The following GRK3 variants were observed in gnomAD, a reference collection of about 807,000 sequenced individuals.
GRK3 encodes G protein-coupled receptor kinase 3, also known as adrenergic, beta, receptor kinase 2.
A neutral mutation model predicts 95.7 loss-of-function variants in GRK3; 54 were observed. That is an observed-to-expected ratio of 0.56 (90% confidence interval 0.45 to 0.71). GRK3 has a LOEUF of 0.71. GRK3 is among the 30% of genes least tolerant of loss of function. The pLI, the probability that GRK3 is intolerant of heterozygous loss-of-function variation, is 0.00. For synonymous variants in GRK3, 281 were observed against 290.8 expected (o/e 0.97, Z 0.34); for missense variants, 649 against 851.2 (o/e 0.76, Z 2.96).
At chr22:25,705,680 G>A (rs1028919726) in intron 15 of GRK3, among the ~76,000 whole-genome samples, 2 of 152,008 alleles carry the variant, frequency 1.3e-5, no homozygotes, top group East Asian at 3.9e-4. Context: ...TTTCTTTCGG[G>A]AAGGACTCAG....
intron 18 of GRK3, among the ~76,000 whole-genome samples, chr22:25,717,682 G>A (rs910741738): frequency 1.3e-5 from 2 of 152,118 alleles, no homozygotes; most frequent in African/African-American, 4.8e-5. Context: ...CTGTAAAAAT[G>A]TAATCAGGAC....
At chr22:25,600,723 A>G (rs771006489) in intron 1 of GRK3, among the ~76,000 whole-genome samples, 2 of 152,170 alleles carry the variant, frequency 1.3e-5, no homozygotes, top group Non-Finnish European at 2.9e-5. Context: ...GGTCCTAGAT[A>G]GAACTCATGG....
chr22:25,650,203 G>T (rs1219007444), intron 3 of GRK3, among the ~76,000 whole-genome samples: 3 of 151,922 alleles, frequency 2.0e-5, no homozygotes, highest in Non-Finnish European at 4.4e-5. Flanking sequence ...CACCACACCT[G>T]GCTAATTTTT....
chr22:25,674,421 T>C lies in GRK3; in HGVS notation c.556-16T>C. 1 of 1,590,854 alleles carries C rather than the reference T, an allele frequency of 6.3e-7. No homozygotes were observed. ...TGTGTAATCTTATGTTTTCATTTTG[T>C]GTTTGGATTTCCCAGTTGACCATGA... On this transcript the variant is annotated splice_polypyrimidine_tract_variant and intron_variant, in intron 7 of 20. Coordinates refer to ENST00000324198, the MANE Select transcript of GRK3 (RefSeq NM_005160.4).
rs1322728900 is a variant in GRK3 at position 25,633,047 on chromosome 22, A to T, written c.191-11545A>T. On this transcript the variant is annotated intron_variant, in intron 2 of 20. Transcript: ENST00000324198. ...TGCCTCAGCCTCCCAAGTAGCTGGG[A>T]TTACAGGCACCTGCCACCAAGCCTG... 2.0e-5 allele frequency among the ~76,000 whole-genome samples: 3 copies of T among 151,846 alleles called. No homozygotes were observed. The East Asian group carries it at 5.8e-4, about 29-fold the overall frequency.
At chr22:25,621,929 G>A (rs1323842713) in intron 2 of GRK3, among the ~76,000 whole-genome samples, 1 of 152,140 alleles carries the variant, frequency 6.6e-6, no homozygotes, top group African/African-American at 2.4e-5. Flanking sequence ...GCTTTTATTG[G>A]CTCTACATGT....
At chr22:25,583,967 C>G (rs1353922068) in intron 1 of GRK3, among the ~76,000 whole-genome samples, 1 of 152,146 alleles carries the variant, frequency 6.6e-6, no homozygotes, top group African/African-American at 2.4e-5. Flanking sequence ...TTTCTCTAAA[C>G]AATGCTACGG....
intron 13 of GRK3, among the ~76,000 whole-genome samples, chr22:25,698,226 A>AAGAAGAGGGAAGAAAGGG (rs1028592018): frequency 2.0e-5 from 3 of 150,174 alleles, no homozygotes; most frequent in Admixed American, 6.6e-5. Context: ...AGGAGGAAGG[A>AAGAAGAGGGAAGAAAGGG]AGAAGAGGGA....
intron 6 of GRK3, among the ~76,000 whole-genome samples, chr22:25,668,073 C>A (rs1236142515): frequency 6.6e-6 from 1 of 152,172 alleles, no homozygotes; most frequent in African/African-American, 2.4e-5. Flanking sequence ...TAAAAAGTAT[C>A]TTATTGAGAG....
In GRK3 at chr22:25,725,174, C is replaced by G. The variant is rs530105061; in HGVS notation, c.*2724C>G. ...GTTTTAGAAGGTTTTCCAAGTATTA[C>G]ATAATTCCTAGATGTTCACCCTTAT... On this transcript the variant is annotated 3_prime_UTR_variant, in exon 21 of 21. Coordinates refer to ENST00000324198, the MANE Select transcript of GRK3 (RefSeq NM_005160.4). The G allele has an allele frequency of 1.2e-5, 2 of 163,722 alleles. No individual in the cohort carries two copies. The highest frequency in any genetic ancestry group is 4.8e-5 in the African/African-American group (2 of 42,000). The allele number at this position is 163,722 out of a possible 1,614,324, so 10.1% of individuals were successfully genotyped here.
chr22:25,595,248 C>T (rs1003499480), intron 1 of GRK3, among the ~76,000 whole-genome samples: 7 of 151,948 alleles, frequency 4.6e-5, no homozygotes, highest in Non-Finnish European at 8.8e-5. Flanking sequence ...GATTCTATAC[C>T]GAGAAAACCC....
rs1306149494 is a variant in GRK3 at position 25,564,885 on chromosome 22, T to TGGGGCGC, written c.-154_-148dup. The TGGGGCGC allele has an allele frequency of 7.8e-6, 1 of 128,216 alleles. No individual in the cohort carries two copies. The highest frequency in any genetic ancestry group is 2.8e-5 in the African/African-American group (1 of 35,742). 7.9% of individuals were successfully genotyped at this position (128,216 alleles called of 1,614,324 possible). The stretch of plus-strand genomic sequence containing the variant: ...GCCTGCGGCGCGCGCAGAGCGCTAG[T>TGGGGCGC]GGGGCGCGCGGCGCGCGCGCGGGGC... On this transcript the variant is annotated 5_prime_UTR_variant, in exon 1 of 21. Coordinates refer to ENST00000324198, the MANE Select transcript of GRK3 (RefSeq NM_005160.4).
intron 2 of GRK3, among the ~76,000 whole-genome samples, chr22:25,626,831 G>C (rs2084631872): frequency 6.6e-6 from 1 of 152,224 alleles, no homozygotes. Context: ...CAGTGGGTTG[G>C]CAGTGGCACC....
At chr22:25,679,567 T>A (rs1162551149) in intron 9 of GRK3, among the ~76,000 whole-genome samples, 3 of 152,240 alleles carry the variant, frequency 2.0e-5, no homozygotes, top group Non-Finnish European at 4.4e-5. Flanking sequence ...TCTTTTTCTG[T>A]TAATGGTATT....
intron 14 of GRK3, 143 bp downstream of exon 14, chr22:25,703,719 A>G (rs1601538858): frequency 1.7e-6 from 1 of 599,204 alleles, no homozygotes; most frequent in Non-Finnish European, 2.8e-6. Flanking sequence ...CTTTCTTGAA[A>G]CAAATAAATG....
chr22:25,715,524 G>A (rs1325620588), intron 18 of GRK3, among the ~76,000 whole-genome samples: 3 of 151,764 alleles, frequency 2.0e-5, no homozygotes, highest in East Asian at 1.9e-4. Context: ...AAAAAAAATT[G>A]CCAAACTGTA....
intron 10 of GRK3, among the ~76,000 whole-genome samples, chr22:25,686,688 C>T (rs1047888057): frequency 5.9e-5 from 9 of 152,226 alleles, no homozygotes; most frequent in South Asian, 4.1e-4. Flanking sequence ...TTCCTTTCTC[C>T]AGCGTTTTAT....
chr22:25,571,710 A>T (rs536523702), intron 1 of GRK3, among the ~76,000 whole-genome samples: 12 of 151,792 alleles, frequency 7.9e-5, no homozygotes, highest in African/African-American at 2.9e-4. Context: ...GAAAAGCTGG[A>T]TGATTGGCTG....
At chr22:25,593,549 ATTAT>A (rs1440386211) in intron 1 of GRK3, among the ~76,000 whole-genome samples, 3 of 151,682 alleles carry the variant, frequency 2.0e-5, no homozygotes, top group African/African-American at 7.3e-5. Context: ...TTTTAATGTA[ATTAT>A]TTGTTTTTTG....
Sources: gnomAD v4.1 joint callset for allele counts (sites outside exome capture counted in the v4.1 genomes callset) on GRCh38, gnomAD v4.1.1 for gene constraint, MANE v1.5 for transcripts, NCBI Gene and HGNC (gene_info 2026-07-23, HGNC 2026-07-21) for gene names.